SMOC2: variants seen among roughly 807,000 people sequenced by gnomAD.
The protein encoded by SMOC2 is SPARC related modular calcium binding 2.
In SMOC2, 39 loss-of-function variants were observed where a neutral mutation model predicts 61.4. The observed-to-expected ratio is 0.64, with a 90% confidence interval of 0.49 to 0.83. SMOC2 has a LOEUF of 0.83. SMOC2 is among the 40% of genes least tolerant of loss of function. The probability of loss-of-function intolerance (pLI) is 0.00; values close to 1 mark genes in which losing one functional copy is unlikely to be tolerated. For missense variants in SMOC2, 556 were observed against 592.9 expected, an observed-to-expected ratio of 0.94 and a Z score of 0.65; for synonymous variants, 247 against 239.9, an observed-to-expected ratio of 1.03 and a Z score of -0.27.
chr6:168,481,861 A>G (rs1285534362), intron 1 of SMOC2, among the ~76,000 whole-genome samples: 2 of 151,994 alleles, frequency 1.3e-5, no homozygotes, highest in Non-Finnish European at 2.9e-5. Flanking sequence ...AAAATAACCA[A>G]AATAAAGTAA....
intron 10 of SMOC2, 122 bp from the exon 11 acceptor site, chr6:168,652,832 A>C (rs1787228967): frequency 1.2e-6 from 1 of 801,002 alleles, no homozygotes; most frequent in South Asian, 1.8e-5. Context: ...CCAGTGCTGC[A>C]GGCTGAGACA....
rs755161884 is a variant in SMOC2, at chr6:168,549,204, G to A, written c.637+1G>A. 1.2e-6 allele frequency: 2 copies of A among 1,613,632 alleles called. No homozygotes were observed. Among genetic ancestry groups the A allele is most frequent in the Non-Finnish European group, 1.7e-6 (2 of 1,179,530 alleles). On this transcript the variant is annotated splice_donor_variant, in intron 7 of 12. Coordinates refer to ENST00000356284, the MANE Select transcript of SMOC2 (RefSeq NM_001166412.2). LOFTEE classifies it high-confidence loss of function. ...CAGAACAAAACCAATAAGAATTCAG[G>A]TAAGATGCTGCCTGATGTCACTTTG...
intron 8 of SMOC2, among the ~76,000 whole-genome samples, chr6:168,605,041 G>T (rs4708759): frequency 1.3e-5 from 2 of 151,962 alleles, no homozygotes; most frequent in East Asian, 3.9e-4. Flanking sequence ...GGTGGGAGCC[G>T]AGGGGCAAGT....
At chr6:168,513,530 CTTAGT>C (rs1419239885) in intron 2 of SMOC2, among the ~76,000 whole-genome samples, 2 of 152,114 alleles carry the variant, frequency 1.3e-5, no homozygotes, top group African/African-American at 4.8e-5. Context: ...CACACACAAA[CTTAGT>C]TTATTCAAGT....
intron 9 of SMOC2, among the ~76,000 whole-genome samples, chr6:168,617,218 T>G (rs1159151943): frequency 4.6e-5 from 7 of 151,966 alleles, no homozygotes; most frequent in Admixed American, 1.3e-4. Flanking sequence ...AGAACAGGAA[T>G]AGAGAAATTA....
chr6:168,624,210 T>G (rs1197520898), intron 9 of SMOC2, among the ~76,000 whole-genome samples: 1 of 152,164 alleles, frequency 6.6e-6, no homozygotes, highest in Non-Finnish European at 1.5e-5. Context: ...GACAGTGCTG[T>G]GAGGAAGTGT....
At chr6:168,661,300 C>T (rs916230909) in intron 11 of SMOC2, among the ~76,000 whole-genome samples, 6 of 152,120 alleles carry the variant, frequency 3.9e-5, no homozygotes, top group South Asian at 2.1e-4. Flanking sequence ...CTGAACAATG[C>T]GCTTTTTATT....
chr6:168,550,691 GC>G (rs965042881), intron 7 of SMOC2, among the ~76,000 whole-genome samples: 4 of 152,024 alleles, frequency 2.6e-5, no homozygotes, highest in African/African-American at 9.7e-5. Flanking sequence ...AACCCCAAGG[GC>G]CCCCCACCGT....
chr6:168,495,802 C>A (rs532577850), intron 1 of SMOC2, among the ~76,000 whole-genome samples: 3 of 151,946 alleles, frequency 2.0e-5, no homozygotes, highest in African/African-American at 7.3e-5. Flanking sequence ...CACCTGGGGG[C>A]TCCACCCACC....
chr6:168,599,617 A>ACCCCCACACACCCACACACC (rs1785472450), intron 8 of SMOC2, among the ~76,000 whole-genome samples: 1 of 99,318 alleles, frequency 1.0e-5, no homozygotes, highest in Non-Finnish European at 1.9e-5. Context: ...ACCCACACAC[A>ACCCCCACACACCCACACACC]CTCATACCAC....
chr6:168,606,714 C>T (rs763817420), intron 8 of SMOC2, among the ~76,000 whole-genome samples: 16 of 152,268 alleles, frequency 1.1e-4, no homozygotes, highest in East Asian at 3.9e-4. Flanking sequence ...TGAGAACTGG[C>T]GGAACGCTGG....
intron 9 of SMOC2, among the ~76,000 whole-genome samples, chr6:168,631,859 G>A (rs1786578573): frequency 6.6e-6 from 1 of 152,174 alleles, no homozygotes. Flanking sequence ...TCCCTGAAGA[G>A]CAGAGTGAAG....
chr6:168,530,637 A>AACCCCCCCC (rs1783569020), intron 4 of SMOC2, among the ~76,000 whole-genome samples: 1 of 120,190 alleles, frequency 8.3e-6, no homozygotes, highest in Admixed American at 8.4e-5. Context: ...TCACGGTGCA[A>AACCCCCCCC]CCCCCCCCCC....
At chr6:168,611,556 G>C (rs1273926396) in intron 9 of SMOC2, among the ~76,000 whole-genome samples, 2 of 59,340 alleles carry the variant, frequency 3.4e-5, no homozygotes, top group Non-Finnish European at 6.6e-5. Context: ...CCCATGTCCG[G>C]GACCCACTGT....
intron 9 of SMOC2, among the ~76,000 whole-genome samples, chr6:168,645,930 C>T (rs1787018356): frequency 6.6e-6 from 1 of 152,172 alleles, no homozygotes. Flanking sequence ...TGAGTGGATA[C>T]ATAGACAATG....
rs796248038 is a variant in SMOC2, at chr6:168,511,811, G to T, written c.256+1725G>T. Among the ~76,000 whole-genome samples the T allele has an allele frequency of 2.8e-4, 37 of 130,730 alleles. No homozygotes were observed. In the South Asian group the frequency reaches 4.8e-3, roughly 17 times the overall value. The allele number at this position is 130,730 out of a possible 152,430, so 85.8% of individuals were successfully genotyped here. A position where few individuals can be genotyped will look rare whatever the true frequency, so the allele number is the denominator to read the frequency against. ...GACAAATGGCTATTCATTATCAAGG[G>T]TTGTTTTTTTTTTTTTTTCTGAAAT... On this transcript the variant is annotated intron_variant, in intron 2 of 12. Coordinates refer to ENST00000356284, the MANE Select transcript of SMOC2 (RefSeq NM_001166412.2).
chr6:168,580,154 A>C (rs1286217430), intron 7 of SMOC2, among the ~76,000 whole-genome samples: 2 of 152,182 alleles, frequency 1.3e-5, no homozygotes. Context: ...ATTAACTTAC[A>C]GGTCTATGGT....
At chr6:168,563,882 A>G (rs953916107) in intron 7 of SMOC2, among the ~76,000 whole-genome samples, 1 of 151,934 alleles carries the variant, frequency 6.6e-6, no homozygotes, top group Non-Finnish European at 1.5e-5. Context: ...TAGAGCAAGC[A>G]GAGCTCTGCG....
rs921061195 is a variant in SMOC2, at chr6:168,521,029, A to G, written c.257-5317A>G. 3.3e-5 allele frequency among the ~76,000 whole-genome samples: 5 copies of G among 152,260 alleles called. 1 individual carries two copies. The highest frequency in any genetic ancestry group is 2.6e-4 in the Admixed American group (4 of 15,286). Reference sequence around the variant, plus strand: ...TAATCCTGTTTTGAGAGATTCTAGCAAAGTAGGGAATTATTTGCTTTCCGT... The same window carrying G: ...TAATCCTGTTTTGAGAGATTCTAGCGAAGTAGGGAATTATTTGCTTTCCGT... On this transcript the variant is annotated intron_variant, in intron 2 of 12. Transcript: ENST00000356284.
Sources: allele counts gnomAD v4.1 joint callset (sites outside exome capture counted in the v4.1 genomes callset), GRCh38; gene constraint gnomAD v4.1.1; transcripts MANE v1.5; gene names NCBI Gene and HGNC (gene_info 2026-07-23, HGNC 2026-07-21).